Variants in KIF26B observed in about 807,000 individuals in gnomAD.
KIF26B encodes kinesin family member 26B.
Under a neutral mutation model 151.2 loss-of-function variants are expected in KIF26B, and 63 were observed. The ratio of observed to expected loss-of-function variants is 0.42; its 90% CI spans 0.34 to 0.51. The LOEUF (loss-of-function observed/expected upper bound fraction) is 0.51. KIF26B is among the 20% of genes least tolerant of loss of function. KIF26B has a pLI of 0.07. For missense variants in KIF26B, 2,813 were observed against 2,913.6 expected (o/e 0.97, Z 0.79); for synonymous variants, 1,357 against 1,262.1 (o/e 1.08, Z -1.59).
intron 4 of KIF26B, among the ~76,000 whole-genome samples, chr1:245,531,616 C>T (rs1384596727): frequency 1.3e-5 from 2 of 152,190 alleles, no homozygotes; most frequent in Non-Finnish European, 1.5e-5. Flanking sequence ...GCTGGATTGA[C>T]TAAGAAGTAC....
chr1:245,435,062 TCCATCC>T (rs1658877421), intron 4 of KIF26B, among the ~76,000 whole-genome samples: 1 of 36,794 alleles, frequency 2.7e-5, no homozygotes, highest in African/African-American at 1.1e-4. Context: ...TCTCCATCCA[TCCATCC>T]ATCCATCCAT....
At chr1:245,554,700 A>G (rs1572123567) in intron 5 of KIF26B, among the ~76,000 whole-genome samples, 1 of 152,104 alleles carries the variant, frequency 6.6e-6, no homozygotes, top group Non-Finnish European at 1.5e-5. Context: ...AGTATACGCT[A>G]ATATTCCTCC....
chr1:245,577,956 C>A (rs146600025), intron 5 of KIF26B, among the ~76,000 whole-genome samples: 12 of 151,070 alleles, frequency 7.9e-5, no homozygotes, highest in African/African-American at 2.9e-4. Context: ...ATCCCCTCAC[C>A]GGAAGAGCCT....
intron 5 of KIF26B, among the ~76,000 whole-genome samples, chr1:245,582,240 G>A (rs2043182823): frequency 6.6e-6 from 1 of 152,218 alleles, no homozygotes; most frequent in Non-Finnish European, 1.5e-5. Flanking sequence ...CGTCAAGGGG[G>A]TCATTGTGTT....
chr1:245,459,909 T>G (rs554665133), intron 4 of KIF26B, among the ~76,000 whole-genome samples: 2 of 147,864 alleles, frequency 1.4e-5, no homozygotes, highest in African/African-American at 4.9e-5. Flanking sequence ...TTTTTTTTTT[T>G]CCCTGCCTGC....
intron 4 of KIF26B, among the ~76,000 whole-genome samples, chr1:245,468,587 A>T (rs1028592155): frequency 2.6e-5 from 4 of 152,236 alleles, no homozygotes; most frequent in African/African-American, 9.6e-5. Context: ...GAACAGAAAA[A>T]TAAGAAAGCC....
intron 2 of KIF26B, among the ~76,000 whole-genome samples, chr1:245,158,268 A>G (rs1175477855): frequency 1.3e-5 from 2 of 152,144 alleles, no homozygotes; most frequent in Non-Finnish European, 2.9e-5. Context: ...GCCGATCAAA[A>G]TACACTCTTC....
intron 4 of KIF26B, among the ~76,000 whole-genome samples, chr1:245,429,118 C>T (rs913406142): frequency 2.6e-5 from 4 of 152,034 alleles, no homozygotes; most frequent in Non-Finnish European, 5.9e-5. Flanking sequence ...GCTAAGCTTC[C>T]GTTGCTTCTG....
intron 2 of KIF26B, among the ~76,000 whole-genome samples, chr1:245,159,607 TATAAG>T (rs1432201986): frequency 1.3e-5 from 2 of 152,248 alleles, no homozygotes; most frequent in South Asian, 2.1e-4. Flanking sequence ...AGGTTTTTCT[TATAAG>T]ATATTACTCC....
intron 4 of KIF26B, among the ~76,000 whole-genome samples, chr1:245,493,820 C>T (rs969116489): frequency 6.6e-6 from 1 of 152,184 alleles, no homozygotes; most frequent in Admixed American, 6.5e-5. Context: ...ATTTGGGATT[C>T]AGACCTGCCA....
chr1:245,368,206 G>C (rs1019238419), intron 3 of KIF26B, among the ~76,000 whole-genome samples: 3 of 152,124 alleles, frequency 2.0e-5, no homozygotes, highest in African/African-American at 2.4e-5. Context: ...TGCCAAAACT[G>C]TTTCTTCCTT....
intron 2 of KIF26B, among the ~76,000 whole-genome samples, chr1:245,292,849 C>T (rs897731648): frequency 6.6e-5 from 10 of 152,160 alleles, no homozygotes; most frequent in Non-Finnish European, 1.3e-4. Flanking sequence ...ACACAGCTTC[C>T]TCCTAATGAA....
In KIF26B at chr1:245,646,216, T is replaced by C; in HGVS notation, c.2194T>C (p.Ser732Pro). 6.2e-7 allele frequency: 1 copy of C among 1,614,022 alleles called. No individual in the cohort carries two copies. Among genetic ancestry groups the C allele is most frequent in the Non-Finnish European group, 8.5e-7 (1 of 1,179,884 alleles). Residue 732 changes from serine to proline, a missense_variant, in exon 10 of 15, where the codon TCG becomes CCG. Ser to Pro is a moderately conservative substitution (Grantham distance 74). Coordinates refer to ENST00000407071, the MANE Select transcript of KIF26B (RefSeq NM_018012.4). Reference sequence around the variant, plus strand: ...AGAAGGAGGCTCAGGGCTGTGTCTCTCGCTGTCTGCTCTGGGCAATGTCAT... The same window carrying C: ...AGAAGGAGGCTCAGGGCTGTGTCTCCCGCTGTCTGCTCTGGGCAATGTCAT... ...NREGGSGLCLSLSALGNVILA... is the reference protein window; with the variant it reads ...NREGGSGLCLPLSALGNVILA...
intron 2 of KIF26B, among the ~76,000 whole-genome samples, chr1:245,219,156 T>G (rs867761205): frequency 0.079 from 6,367 of 80,932 alleles, 322 homozygotes; most frequent in Middle Eastern, 0.2. Flanking sequence ...TTTTTTTTTT[T>G]GAGACGGAGT....
At chr1:245,514,510 A>T (rs1660907448) in intron 4 of KIF26B, among the ~76,000 whole-genome samples, 1 of 152,150 alleles carries the variant, frequency 6.6e-6, no homozygotes. Context: ...CCTGGGCGAC[A>T]GAGTAAGTGA....
Position 245,643,090 on chromosome 1 carries a change from G to A in KIF26B, c.2099-3031G>A, listed in dbSNP as rs138998126. Among the ~76,000 whole-genome samples the A allele has an allele frequency of 2.9e-4, 44 of 152,232 alleles. 1 individual carries two copies. Among genetic ancestry groups the A allele is most frequent in the South Asian group, 4.1e-4 (2 of 4,824 alleles). On this transcript the variant is annotated intron_variant, in intron 9 of 14. Coordinates refer to ENST00000407071, the MANE Select transcript of KIF26B (RefSeq NM_018012.4). ...CTGTTTGCCTTATCCACACTTACAC[G>A]TTTAAATGATTGTTTATTTCTATTT...
intron 2 of KIF26B, among the ~76,000 whole-genome samples, chr1:245,236,463 G>A (rs1320343557): frequency 1.3e-5 from 2 of 152,106 alleles, no homozygotes; most frequent in African/African-American, 2.4e-5. Flanking sequence ...TTCCTGGGAC[G>A]TAATTGACAA....
chr1:245,325,233 C>G (rs1320759916), intron 2 of KIF26B, among the ~76,000 whole-genome samples: 2 of 152,058 alleles, frequency 1.3e-5, no homozygotes, highest in African/African-American at 4.8e-5. Flanking sequence ...TTAAGTTGAA[C>G]CATATGAAAT....
At chr1:245,287,121 A>G (rs1671176223) in intron 2 of KIF26B, among the ~76,000 whole-genome samples, 1 of 152,228 alleles carries the variant, frequency 6.6e-6, no homozygotes. Context: ...AAAAAACAAA[A>G]TTTTTTAAAA....
Sources: allele counts gnomAD v4.1 joint callset (sites outside exome capture counted in the v4.1 genomes callset), GRCh38; gene constraint gnomAD v4.1.1; transcripts MANE v1.5; gene names NCBI Gene and HGNC (gene_info 2026-07-23, HGNC 2026-07-21).